SNTG1: variants seen among roughly 807,000 people sequenced by gnomAD.
SNTG1 encodes the protein syntrophin gamma 1, also known as gamma-1-syntrophin.
In SNTG1, 39 loss-of-function variants were observed where a neutral mutation model predicts 74.7. That is an observed-to-expected ratio of 0.52 (90% confidence interval 0.40 to 0.68). The LOEUF is 0.68. Among genes scored for constraint, SNTG1 ranks in the 30% least tolerant of loss-of-function variants. SNTG1 has a pLI of 0.00. For missense variants in SNTG1, 685 were observed against 609.5 expected (o/e 1.12, Z -1.30); for synonymous variants, 254 against 217.1 (o/e 1.17, Z -1.49).
At chr8:50,614,378 A>G (rs2094872335) in intron 13 of SNTG1, among the ~76,000 whole-genome samples, 1 of 152,098 alleles carries the variant, frequency 6.6e-6, no homozygotes, top group Admixed American at 6.6e-5. Context: ...CTACAGAAGG[A>G]GAATTATACC....
intron 1 of SNTG1, among the ~76,000 whole-genome samples, chr8:50,049,544 T>C (rs76907099): frequency 0.041 from 6,289 of 152,206 alleles, 190 homozygotes; most frequent in Middle Eastern, 0.088. Context: ...TTAACCATTA[T>C]ATTTGAGCAC....
chr8:50,163,883 A>T (rs1022025055), intron 1 of SNTG1: 4 of 152,120 alleles, frequency 2.6e-5, no homozygotes, highest in Non-Finnish European at 5.9e-5. Flanking sequence ...AGAATTCAAA[A>T]ATCTTCATCA....
At chr8:50,790,789 A>G (rs1474663436) in intron 18 of SNTG1, among the ~76,000 whole-genome samples, 7 of 151,956 alleles carry the variant, frequency 4.6e-5, no homozygotes, top group Non-Finnish European at 1.5e-5. Flanking sequence ...TTGATAAATA[A>G]TTGACAAGGT....
intron 1 of SNTG1, among the ~76,000 whole-genome samples, chr8:50,132,652 C>G (rs550525493): frequency 6.2e-4 from 95 of 152,306 alleles, no homozygotes; most frequent in African/African-American, 2.1e-3. Flanking sequence ...AGTCCTCACT[C>G]TCTTGGCCCA....
At chr8:50,375,756 A>G (rs1024491700) in intron 2 of SNTG1, among the ~76,000 whole-genome samples, 12 of 152,302 alleles carry the variant, frequency 7.9e-5, no homozygotes, top group Non-Finnish European at 1.3e-4. Context: ...GACCCCCATA[A>G]CAAAAGACAG....
At chr8:50,628,472 G>A (rs984833937) in intron 13 of SNTG1, among the ~76,000 whole-genome samples, 10 of 151,964 alleles carry the variant, frequency 6.6e-5, no homozygotes, top group Non-Finnish European at 1.3e-4. Flanking sequence ...TACATGGAGG[G>A]TCTCCTTTGC....
At chr8:50,318,597 T>C (rs1563889938) in intron 2 of SNTG1, among the ~76,000 whole-genome samples, 1 of 152,216 alleles carries the variant, frequency 6.6e-6, no homozygotes, top group Admixed American at 6.5e-5. Flanking sequence ...CAAAGGATCT[T>C]AATGGGGGAC....
chr8:50,456,990 C>T (rs543162248), intron 8 of SNTG1: 4 of 152,274 alleles, frequency 2.6e-5, no homozygotes, highest in African/African-American at 9.6e-5. Context: ...AAAATTTTCA[C>T]ATAGCTGACA....
intron 2 of SNTG1, among the ~76,000 whole-genome samples, chr8:50,331,827 G>A (rs751760698): frequency 3.3e-5 from 5 of 152,154 alleles, no homozygotes; most frequent in Non-Finnish European, 7.4e-5. Context: ...AACTTATAAT[G>A]AGAACAACTG....
intron 1 of SNTG1, chr8:50,164,132 T>C (rs1451855507): frequency 7.2e-6 from 1 of 138,978 alleles, no homozygotes; most frequent in Non-Finnish European, 1.5e-5. Context: ...TCTATCATCA[T>C]GGGCTTGCTG....
intron 1 of SNTG1, among the ~76,000 whole-genome samples, chr8:50,033,315 G>A (rs1466587275): frequency 6.6e-6 from 1 of 151,868 alleles, no homozygotes; most frequent in African/African-American, 2.4e-5. Context: ...CTAGAGACGG[G>A]GTTTCTCCAT....
At chr8:50,784,018 G>A (rs935802937) in intron 18 of SNTG1, among the ~76,000 whole-genome samples, 2 of 152,132 alleles carry the variant, frequency 1.3e-5, no homozygotes, top group Admixed American at 6.5e-5. Context: ...TGTTGTTCTT[G>A]CCAGATAGGG....
chr8:50,635,458 AC>A (rs2095032845), intron 13 of SNTG1, among the ~76,000 whole-genome samples: 1 of 152,098 alleles, frequency 6.6e-6, no homozygotes, highest in Non-Finnish European at 1.5e-5. Flanking sequence ...TTAGAAATTT[AC>A]CTGGTGCTCT....
intron 1 of SNTG1, among the ~76,000 whole-genome samples, chr8:50,157,952 ATAAGT>A (rs1301191737): frequency 6.6e-6 from 1 of 152,122 alleles, no homozygotes; most frequent in African/African-American, 2.4e-5. Context: ...TTAGTTTTGG[ATAAGT>A]TAAATGTATA....
At chr8:50,757,622 A>G (rs1470375643) in intron 18 of SNTG1, among the ~76,000 whole-genome samples, 1 of 151,874 alleles carries the variant, frequency 6.6e-6, no homozygotes, top group African/African-American at 2.4e-5. Context: ...TTCTTCATCC[A>G]TTTTGACAAT....
intron 2 of SNTG1, among the ~76,000 whole-genome samples, chr8:50,350,451 C>G (rs1050695294): frequency 6.6e-6 from 1 of 152,224 alleles, no homozygotes; most frequent in African/African-American, 2.4e-5. Context: ...AATGGGCACT[C>G]TGTATCTAGT....
chr8:50,029,236 G>C (rs1322690182), intron 1 of SNTG1, among the ~76,000 whole-genome samples: 1 of 151,752 alleles, frequency 6.6e-6, no homozygotes, highest in Non-Finnish European at 1.5e-5. Context: ...AATTTACAGG[G>C]TTACATGTGA....
intron 1 of SNTG1, among the ~76,000 whole-genome samples, chr8:50,165,973 T>C (rs2082601432): frequency 7.0e-6 from 1 of 142,432 alleles, no homozygotes; most frequent in Non-Finnish European, 1.5e-5. Flanking sequence ...GCCGCATATC[T>C]ACAACTATCT....
intron 15 of SNTG1, among the ~76,000 whole-genome samples, chr8:50,697,434 A>G (rs1289177827): frequency 1.3e-5 from 2 of 152,122 alleles, no homozygotes; most frequent in Non-Finnish European, 2.9e-5. Context: ...CTCTTGCCTA[A>G]TTGTTCTGGC....
Sources: gnomAD v4.1 joint callset for allele counts (sites outside exome capture counted in the v4.1 genomes callset) on GRCh38, gnomAD v4.1.1 for gene constraint, MANE v1.5 for transcripts, NCBI Gene and HGNC (gene_info 2026-07-23, HGNC 2026-07-21) for gene names.